DGKG: variants seen among roughly 807,000 people sequenced by gnomAD.
The protein encoded by DGKG is diacylglycerol kinase gamma.
DGKG carries 78 observed loss-of-function variants against 105.3 expected under a neutral mutation model. The ratio of observed to expected loss-of-function variants is 0.74; its 90% CI spans 0.62 to 0.89. The LOEUF (loss-of-function observed/expected upper bound fraction) is 0.89. Among genes scored for constraint, DGKG ranks in the 40% least tolerant of loss-of-function variants. DGKG has a pLI of 0.00. For synonymous variants in DGKG, 346 were observed against 367.1 expected (o/e 0.94, Z 0.66); for missense variants, 958 against 1,020.1 (o/e 0.94, Z 0.83).
intron 1 of DGKG, among the ~76,000 whole-genome samples, chr3:186,355,403 T>TCAC (rs148873242): frequency 1.9e-4 from 24 of 125,054 alleles, no homozygotes; most frequent in African/African-American, 7.1e-4. Flanking sequence ...ATCACCACTA[T>TCAC]CACCACCACC....
At chr3:186,222,805 C>A (rs1255165230) in intron 20 of DGKG, among the ~76,000 whole-genome samples, 1 of 151,402 alleles carries the variant, frequency 6.6e-6, no homozygotes, top group Admixed American at 6.6e-5. Flanking sequence ...CGGTGACACC[C>A]CATCTCTACT....
intron 1 of DGKG, among the ~76,000 whole-genome samples, chr3:186,356,782 C>G (rs1210598407): frequency 6.6e-6 from 1 of 152,152 alleles, no homozygotes; most frequent in South Asian, 2.1e-4. Context: ...AGCCAAGTTA[C>G]CCCATTAATA....
chr3:186,259,510 G>A (rs1453939375), intron 16 of DGKG, among the ~76,000 whole-genome samples: 2 of 152,120 alleles, frequency 1.3e-5, no homozygotes, highest in Admixed American at 6.5e-5. Flanking sequence ...TTGTACTACC[G>A]CTGCCATAAA....
At chr3:186,324,233 G>A (rs534138755) in intron 1 of DGKG, among the ~76,000 whole-genome samples, 1 of 151,934 alleles carries the variant, frequency 6.6e-6, no homozygotes, top group African/African-American at 2.4e-5. Context: ...ACTAAAACCA[G>A]AAGGCAGAGA....
chr3:186,175,022 G>A (rs1240856754), intron 22 of DGKG, among the ~76,000 whole-genome samples: 2 of 152,198 alleles, frequency 1.3e-5, no homozygotes, highest in Non-Finnish European at 2.9e-5. Flanking sequence ...CAGAGCCTGA[G>A]GGAGAAGCGA....
chr3:186,286,814 A>G (rs1480206237), intron 6 of DGKG, among the ~76,000 whole-genome samples: 1 of 152,122 alleles, frequency 6.6e-6, no homozygotes, highest in East Asian at 1.9e-4. Context: ...CGGGCGGATC[A>G]CCTGAGGTCA....
chr3:186,157,738 C>A (rs1716104932), intron 24 of DGKG, among the ~76,000 whole-genome samples: 1 of 152,144 alleles, frequency 6.6e-6, no homozygotes, highest in African/African-American at 2.4e-5. Context: ...GAGTCTCACT[C>A]CATCGCCCAG....
intron 1 of DGKG, among the ~76,000 whole-genome samples, chr3:186,330,941 T>G (rs1445825022): frequency 6.6e-6 from 1 of 152,176 alleles, no homozygotes; most frequent in African/African-American, 2.4e-5. Context: ...CCAAGACAAC[T>G]ACACAAGCAC....
At chr3:186,230,214 C>T (rs528920436) in intron 20 of DGKG, among the ~76,000 whole-genome samples, 20 of 152,242 alleles carry the variant, frequency 1.3e-4, no homozygotes, top group Non-Finnish European at 2.9e-4. Flanking sequence ...GCCGAGATCA[C>T]GCCACTGCAC....
At chr3:186,355,330 A>G (rs1172725170) in intron 1 of DGKG, among the ~76,000 whole-genome samples, 6 of 106,458 alleles carry the variant, frequency 5.6e-5, no homozygotes, top group African/African-American at 1.4e-4. Context: ...TACCATCACC[A>G]CTATCACCAC....
intron 22 of DGKG, among the ~76,000 whole-genome samples, chr3:186,171,251 A>G (rs1380930095): frequency 1.3e-5 from 2 of 152,240 alleles, no homozygotes; most frequent in Non-Finnish European, 2.9e-5. Flanking sequence ...AGCCTTTGGC[A>G]TATAAAAGGT....
chr3:186,285,686 T>C (rs74804290), intron 6 of DGKG, among the ~76,000 whole-genome samples: 2 of 150,692 alleles, frequency 1.3e-5, no homozygotes, highest in African/African-American at 4.8e-5. Context: ...TTTCTTTTTT[T>C]TTTTTTTTTT....
intron 19 of DGKG, 48 bp from the exon 20 acceptor site, chr3:186,242,616 G>C (rs781164029): frequency 6.5e-7 from 1 of 1,549,582 alleles, no homozygotes; most frequent in Non-Finnish European, 8.9e-7. Context: ...GGTCATGACA[G>C]TGCAGTGCGG....
In DGKG at chr3:186,149,144, A is replaced by G. The variant is rs913128268; in HGVS notation, c.*946T>C. 7.1e-6 allele frequency: 7 copies of G among 984,888 alleles called. No homozygotes were observed. The African/African-American group carries it at 1.1e-4, about 15-fold the overall frequency. The allele number at this position is 984,888 out of a possible 1,614,324, so 61.0% of individuals were successfully genotyped here. A position where few individuals can be genotyped will look rare whatever the true frequency, so the allele number is the denominator to read the frequency against. Reference sequence around the variant, plus strand: ...TCCCCAGCAAAGTTCCTTCCTTCCCATCTTTTCTGCCTTCAGGAATAGTCT... The same window carrying G: ...TCCCCAGCAAAGTTCCTTCCTTCCCGTCTTTTCTGCCTTCAGGAATAGTCT... On this transcript the variant is annotated 3_prime_UTR_variant, in exon 25 of 25. Coordinates refer to ENST00000265022, the MANE Select transcript of DGKG (RefSeq NM_001346.3).
At position 186,226,418 on chromosome 3, in the gene DGKG, T is replaced by C. The variant is rs1719863989; in HGVS notation, c.1827-14533A>G. Among the ~76,000 whole-genome samples, 1 of 152,112 alleles carries C rather than the reference T, an allele frequency of 6.6e-6. No homozygotes were observed. Among genetic ancestry groups the C allele is most frequent in the African/African-American group, 2.4e-5 (1 of 41,414 alleles). On this transcript the variant is annotated intron_variant, in intron 20 of 24. Coordinates refer to ENST00000265022, the MANE Select transcript of DGKG (RefSeq NM_001346.3). The surrounding 1 kb of genome is among the most constrained non-coding windows in gnomAD (Gnocchi z 4.2). ...TCAGAGGGCATCCCGTGGTGTTATC[T>C]CCACCCCAACCCTGCATATACAGAA... is the stretch of plus-strand genomic sequence containing the variant.
At chr3:186,287,443 C>T (rs768759061) in intron 6 of DGKG, among the ~76,000 whole-genome samples, 5 of 152,124 alleles carry the variant, frequency 3.3e-5, no homozygotes, top group Non-Finnish European at 7.3e-5. Flanking sequence ...GATGATGGGG[C>T]CACAGATGTT....
rs763993114 is a variant in DGKG, at chr3:186,251,863, C to T, written c.1657G>A (p.Val553Met). Residue 553 changes from valine (V) to methionine (M), a missense_variant, in exon 19 of 25, where the codon GTG (valine) becomes ATG (methionine). Around this residue, in one of 2 missense-constraint regions of DGKG, gnomAD observed 315 missense variants for 400.6 expected, o/e 0.79. Transcript: ENST00000265022. ...ILKDIEQSPL[V>M]MLDRWHLEVI... ...TCCAGATGCCAGCGGTCCAGCATCA[C>T]CAAGGGGCTCTGCTCAATGTCTTTC... The T allele has an allele frequency of 1.5e-5, 24 of 1,611,810 alleles. No individual in the cohort carries two copies. The highest frequency in any genetic ancestry group is 2.0e-5 in the Non-Finnish European group (24 of 1,178,668).
At chr3:186,326,369 A>G (rs1725343657) in intron 1 of DGKG, among the ~76,000 whole-genome samples, 1 of 151,632 alleles carries the variant, frequency 6.6e-6, no homozygotes, top group Non-Finnish European at 1.5e-5. Flanking sequence ...ACTGCACTCC[A>G]GCCTGGGTGA....
chr3:186,314,518 G>A (rs1029801481), intron 2 of DGKG, among the ~76,000 whole-genome samples: 1 of 152,134 alleles, frequency 6.6e-6, no homozygotes, highest in African/African-American at 2.4e-5. Flanking sequence ...ACTTTGGGAG[G>A]TCGAGGCGGG....
Sources: allele counts gnomAD v4.1 joint callset (sites outside exome capture counted in the v4.1 genomes callset), GRCh38; gene constraint gnomAD v4.1.1; regional missense constraint gnomAD v4.1.1; non-coding constraint Gnocchi (gnomAD v3.1); transcripts MANE v1.5; gene names NCBI Gene and HGNC (gene_info 2026-07-23, HGNC 2026-07-21).